Variants in SOX5 observed in about 807,000 individuals in gnomAD.
SOX5 encodes the protein transcription factor SOX-5.
SOX5 carries 9 observed loss-of-function variants against 92.0 expected under a neutral mutation model. That is an observed-to-expected ratio of 0.10 (90% CI 0.06 to 0.17). The LOEUF is 0.17. SOX5 is among the 10% of genes least tolerant of loss of function. SOX5 has a pLI of 1.00. For missense variants in SOX5, 642 were observed against 944.5 expected (o/e 0.68, Z 4.20); for synonymous variants, 344 against 336.3 (o/e 1.02, Z -0.25).
chr12:24,015,750 G>A (rs141151662), intron 4 of SOX5, among the ~76,000 whole-genome samples: 1 of 152,174 alleles, frequency 6.6e-6, no homozygotes, highest in East Asian at 1.9e-4. Context: ...TTCCTGTCAG[G>A]ATGCAACTCT....
At chr12:23,993,023 A>G (rs931827173) in intron 4 of SOX5, among the ~76,000 whole-genome samples, 7 of 152,190 alleles carry the variant, frequency 4.6e-5, no homozygotes, top group African/African-American at 1.7e-4. Flanking sequence ...TATATTGACA[A>G]TTAACTCTAC....
intron 6 of SOX5, among the ~76,000 whole-genome samples, chr12:23,693,642 T>C: frequency 6.6e-6 from 1 of 152,192 alleles, no homozygotes; most frequent in East Asian, 1.9e-4. Flanking sequence ...GCCAGTGCTT[T>C]AGAGGTTTTG....
chr12:23,700,837 G>T (rs2090525444), intron 6 of SOX5, among the ~76,000 whole-genome samples: 1 of 151,758 alleles, frequency 6.6e-6, no homozygotes, highest in African/African-American at 2.4e-5. Context: ...CTGTATTTTG[G>T]TGTCATTAAA....
At chr12:23,620,078 A>C (rs908778154) in intron 8 of SOX5, among the ~76,000 whole-genome samples, 4 of 152,140 alleles carry the variant, frequency 2.6e-5, no homozygotes, top group Non-Finnish European at 5.9e-5. Context: ...CACTACAGGC[A>C]GGCAAATCAG....
rs756360257 is a variant in SOX5 at position 23,640,776 on chromosome 12, T to C, written c.1017+36A>G. 5 of 1,485,628 alleles carry C rather than the reference T, an allele frequency of 3.4e-6. No individual in the cohort carries two copies. The East Asian group carries it at 1.1e-4, about 34-fold the overall frequency. The allele number at this position is 1,485,628 out of a possible 1,614,324, so 92.0% of individuals were successfully genotyped here. ...ATAATAGCTGTTTTCGATATTTACT[T>C]AACCTTTGTCTCCTCTGTATTGTTT... On this transcript the variant is annotated intron_variant, in intron 8 of 14. Transcript: ENST00000451604.
intron 6 of SOX5, among the ~76,000 whole-genome samples, chr12:23,712,035 T>C (rs1411279058): frequency 6.6e-6 from 1 of 152,188 alleles, no homozygotes. Context: ...ATACAGGTAG[T>C]GAGTAGCTGA....
intron 2 of SOX5, among the ~76,000 whole-genome samples, chr12:24,278,798 G>T (rs561249597): frequency 2.0e-5 from 3 of 151,720 alleles, no homozygotes; most frequent in Non-Finnish European, 4.4e-5. Context: ...AATAAAGGCT[G>T]TCTATATATA....
chr12:23,986,372 G>A (rs1046981659), intron 4 of SOX5, among the ~76,000 whole-genome samples: 2 of 151,942 alleles, frequency 1.3e-5, no homozygotes, highest in Non-Finnish European at 2.9e-5. Flanking sequence ...AAACTATCAA[G>A]ACACATGTAT....
chr12:23,591,965 T>A (rs1326091719), intron 9 of SOX5, among the ~76,000 whole-genome samples: 5 of 152,140 alleles, frequency 3.3e-5, no homozygotes, highest in Admixed American at 6.6e-5. Context: ...ATATCTACAC[T>A]GCCAAAGTCA....
intron 6 of SOX5, 45 bp from the exon 7 acceptor site, chr12:23,665,609 C>G: frequency 6.4e-7 from 1 of 1,555,198 alleles, no homozygotes; most frequent in African/African-American, 1.4e-5. Flanking sequence ...AGTTTCGATG[C>G]TCCATGCTTC....
chr12:23,952,393 A>G (rs1161529633), upstream of SOX5, among the ~76,000 whole-genome samples: 1 of 152,226 alleles, frequency 6.6e-6, no homozygotes, highest in Non-Finnish European at 1.5e-5. Context: ...CAGAGCAGGT[A>G]AGAAAGAGTA....
chr12:24,334,201 C>A (rs1015837944), intron 2 of SOX5, among the ~76,000 whole-genome samples: 1 of 151,666 alleles, frequency 6.6e-6, no homozygotes, highest in East Asian at 1.9e-4. Flanking sequence ...GTTATATTTT[C>A]TGAATACAAA....
chr12:24,492,027 T>C (rs1947140325), intron 1 of SOX5, among the ~76,000 whole-genome samples: 1 of 152,048 alleles, frequency 6.6e-6, no homozygotes, highest in South Asian at 2.1e-4. Context: ...AAGCAAGAGC[T>C]ACAAGCAGAC....
chr12:23,988,343 A>G (rs537850534), intron 4 of SOX5, among the ~76,000 whole-genome samples: 11 of 152,298 alleles, frequency 7.2e-5, no homozygotes, highest in South Asian at 2.1e-4. Context: ...GGAGATCCCA[A>G]CCTTTAGAGT....
intron 1 of SOX5, among the ~76,000 whole-genome samples, chr12:23,919,288 G>A (rs558679103): frequency 6.6e-6 from 1 of 152,052 alleles, no homozygotes; most frequent in Admixed American, 6.5e-5. Flanking sequence ...CCAAAAATCT[G>A]GATTTTTATG....
intron 4 of SOX5, among the ~76,000 whole-genome samples, chr12:24,080,409 T>C (rs1359157853): frequency 5.3e-5 from 8 of 152,060 alleles, no homozygotes; most frequent in Admixed American, 2.0e-4. Context: ...TCTCCTACAA[T>C]GATATATCTC....
intron 2 of SOX5, among the ~76,000 whole-genome samples, chr12:24,319,649 T>A (rs991837079): frequency 6.6e-6 from 1 of 152,328 alleles, no homozygotes; most frequent in East Asian, 1.9e-4. Flanking sequence ...ATCCCACACA[T>A]GGTTCTGAGT....
intron 2 of SOX5, among the ~76,000 whole-genome samples, chr12:23,893,368 C>T (rs1453553200): frequency 6.6e-6 from 1 of 152,048 alleles, no homozygotes; most frequent in African/African-American, 2.4e-5. Context: ...ACTGCTTAAA[C>T]CTAGTAGGTG....
At chr12:23,575,588 G>T in intron 10 of SOX5, 73 bp downstream of exon 10, 1 of 1,406,216 alleles carries the variant, frequency 7.1e-7, no homozygotes, top group Non-Finnish European at 1.0e-6. Flanking sequence ...TGGGTGTGAT[G>T]TGCCATTTAA....
Sources: allele counts gnomAD v4.1 joint callset (sites outside exome capture counted in the v4.1 genomes callset), GRCh38; gene constraint gnomAD v4.1.1; transcripts MANE v1.5; gene names NCBI Gene and HGNC (gene_info 2026-07-23, HGNC 2026-07-21).